The following CLCN3 variants were observed in gnomAD, a reference collection of about 807,000 sequenced individuals.
CLCN3 encodes Cl-/H+ antiporter 3.
CLCN3 carries 16 observed loss-of-function variants against 83.4 expected under a neutral mutation model. The ratio of observed to expected loss-of-function variants is 0.19; its 90% CI spans 0.13 to 0.29. CLCN3 has a LOEUF of 0.29. Among genes scored for constraint, CLCN3 ranks in the 10% least tolerant of loss-of-function variants. The probability of loss-of-function intolerance (pLI) is 1.00; values close to 1 mark genes in which losing one functional copy is unlikely to be tolerated. For synonymous variants in CLCN3, 322 were observed against 346.2 expected (o/e 0.93, Z 0.78); for missense variants, 544 against 1,006.0 (o/e 0.54, Z 6.21).
intron 2 of CLCN3, among the ~76,000 whole-genome samples, chr4:169,642,542 T>C (rs1388940030): frequency 3.3e-5 from 5 of 152,186 alleles, no homozygotes; most frequent in South Asian, 2.1e-4. Flanking sequence ...CCAGGCTCTC[T>C]TGCCAGACAG....
chr4:169,718,315 C>T (rs1733503913), intron 12 of CLCN3, among the ~76,000 whole-genome samples: 1 of 151,198 alleles, frequency 6.6e-6, no homozygotes, highest in Non-Finnish European at 1.5e-5. Context: ...ATCTAAGCTC[C>T]TAAAGGATTT....
intron 12 of CLCN3, among the ~76,000 whole-genome samples, chr4:169,718,792 C>T (rs1018823049): frequency 2.0e-5 from 3 of 152,112 alleles, no homozygotes; most frequent in African/African-American, 7.2e-5. Context: ...TTCATGCATC[C>T]TTTTTTAAAA....
chr4:169,691,531 T>G (rs1292427616), intron 6 of CLCN3, among the ~76,000 whole-genome samples: 1 of 152,206 alleles, frequency 6.6e-6, no homozygotes, highest in Non-Finnish European at 1.5e-5. Context: ...TCTTTTATTT[T>G]TCTGTAGTTA....
rs377158305 is a variant in CLCN3 at position 169,713,284 on chromosome 4, A to T, written c.2355A>T (p.Val785=). 7 of 1,611,514 alleles carry T rather than the reference A, an allele frequency of 4.3e-6. No homozygotes were observed. Among genetic ancestry groups the T allele is most frequent in the Non-Finnish European group, 5.1e-6 (6 of 1,177,776 alleles). The change falls in exon 12 of 13, where the codon GTA becomes GTT. Residue 785 remains valine (V), a synonymous_variant. Transcript: ENST00000513761. ...AGCTGGGACTGAGGCAGTGCCTTGT[A>T]ACTCACAATGGGTAAGTCTGGTACC... ...FRKLGLRQCL[V]THNGRLLGII...
chr4:169,656,831 A>C (rs1018510080), intron 2 of CLCN3, among the ~76,000 whole-genome samples: 1 of 152,142 alleles, frequency 6.6e-6, no homozygotes, highest in Non-Finnish European at 1.5e-5. Context: ...ATTCCCTGCT[A>C]TTGGGGAGGC....
intron 2 of CLCN3, among the ~76,000 whole-genome samples, chr4:169,662,504 G>GA (rs1560842100): frequency 6.6e-6 from 1 of 152,076 alleles, no homozygotes; most frequent in African/African-American, 2.4e-5. Flanking sequence ...CTAACAAATC[G>GA]AAAAAACTGA....
Position 169,722,578 on chromosome 4 carries a change from A to C in CLCN3, c.*2581A>C, listed in dbSNP as rs1206241837. The C allele has an allele frequency of 1.3e-5, 2 of 152,232 alleles. No individual in the cohort carries two copies. Among genetic ancestry groups the C allele is most frequent in the African/African-American group, 2.4e-5 (1 of 41,460 alleles). The allele number at this position is 152,232 out of a possible 1,614,324, so 9.4% of individuals were successfully genotyped here. A position where few individuals can be genotyped will look rare whatever the true frequency, so the allele number is the denominator to read the frequency against. On this transcript the variant is annotated 3_prime_UTR_variant, in exon 13 of 13. Transcript: ENST00000513761. ...AGGACAAATCGGTTTCTTTGCAGAT[A>C]GCTTCGTAAAACTTCACATGGAGTT...
intron 2 of CLCN3, chr4:169,660,528 C>T (rs1366737216): frequency 2.0e-6 from 2 of 992,292 alleles, no homozygotes; most frequent in Non-Finnish European, 2.6e-6. Flanking sequence ...TAAACTGGTT[C>T]TCGTTTGTCC....
intron 2 of CLCN3, among the ~76,000 whole-genome samples, chr4:169,656,268 G>A (rs552496492): frequency 3.2e-4 from 48 of 152,284 alleles, no homozygotes; most frequent in African/African-American, 1.1e-3. Flanking sequence ...CACGCTGTAC[G>A]CGAAGCATAG....
In CLCN3 at chr4:169,697,196, A is replaced by C. The variant is rs950652760; in HGVS notation, c.1025A>C (p.Tyr342Ser). ...GVLFSLEEVSYYFPLKTLWRS... is the reference protein window; with the variant it reads ...GVLFSLEEVSSYFPLKTLWRS... ...TCCTTTTCTTTTTTTTAGGTTAGCT[A>C]TTATTTTCCTCTCAAAACTTTATGG... is the stretch of plus-strand genomic sequence containing the variant. The change falls in exon 9 of 13, where the codon TAT becomes TCT. Residue 342 changes from tyrosine (Y) to serine (S), a missense_variant. Physicochemically the swap from Tyr to Ser is moderately radical, Grantham distance 144. This residue lies in a region of CLCN3 where 194 missense variants were observed against 341.4 expected (regional missense o/e 0.57). Coordinates refer to ENST00000513761, the MANE Select transcript of CLCN3 (RefSeq NM_001829.4). 6.4e-7 allele frequency: 1 copy of C among 1,567,396 alleles called. No homozygotes were observed. The highest frequency in any genetic ancestry group is 8.6e-7 in the Non-Finnish European group (1 of 1,163,522).
At position 169,670,777 on chromosome 4, in the gene CLCN3, G is replaced by A. The variant is rs191114891; in HGVS notation, c.161-9273G>A. Among the ~76,000 whole-genome samples, 7 of 152,086 alleles carry A rather than the reference G, an allele frequency of 4.6e-5. No individual in the cohort carries two copies. The South Asian group carries it at 6.2e-4, about 14-fold the overall frequency. On this transcript the variant is annotated intron_variant, in intron 2 of 12. Transcript: ENST00000513761. ...GAATGTTTTTCCATTTGTTTGTGTC[G>A]TTTCTTATTTCCTTGGGCAGTGGTT...
intron 1 of CLCN3, among the ~76,000 whole-genome samples, chr4:169,635,362 CT>C (rs1261496762): frequency 1.3e-5 from 2 of 152,050 alleles, no homozygotes; most frequent in Non-Finnish European, 2.9e-5. Context: ...AAAACATACC[CT>C]TTTTTGATTT....
At chr4:169,717,758 C>T (rs373036569) in intron 12 of CLCN3, 4 of 1,360,110 alleles carry the variant, frequency 2.9e-6, no homozygotes, top group Non-Finnish European at 4.2e-6. Context: ...AATTTAATTT[C>T]TCACACAGTT....
In CLCN3 at chr4:169,697,589, A is replaced by C; in HGVS notation, c.1418A>C (p.Asp473Ala). The C allele has an allele frequency of 6.2e-7, 1 of 1,614,198 alleles. No individual in the cohort carries two copies. The highest frequency in any genetic ancestry group is 1.1e-5 in the South Asian group (1 of 91,088). The change falls in exon 9 of 13, where the codon GAC (aspartate) becomes GCC (alanine). Residue 473 changes from aspartate (D) to alanine (A), a missense_variant. Physicochemically the swap from Asp to Ala is moderately radical, Grantham distance 126. Transcript: ENST00000513761. ...CGPLESSSLC[D>A]YRNDMNASKI... is the part of the protein sequence containing the mutation. ...CCCCTGGAATCCTCTTCTCTTTGTG[A>C]CTACAGAAATGACATGAATGCCAGT...
At chr4:169,709,055 C>A (rs978388228) in intron 11 of CLCN3, among the ~76,000 whole-genome samples, 2 of 146,904 alleles carry the variant, frequency 1.4e-5, no homozygotes, top group African/African-American at 5.0e-5. Flanking sequence ...AAATTATGTA[C>A]GTAAATGTTA....
intron 3 of CLCN3, among the ~76,000 whole-genome samples, chr4:169,684,098 T>G (rs1245024700): frequency 6.6e-6 from 1 of 152,240 alleles, no homozygotes; most frequent in African/African-American, 2.4e-5. Context: ...CTAATTCTTT[T>G]TTTCCGTGAA....
intron 11 of CLCN3, among the ~76,000 whole-genome samples, chr4:169,711,893 C>T (rs1436120767): frequency 6.6e-6 from 1 of 151,880 alleles, no homozygotes; most frequent in Admixed American, 6.6e-5. Context: ...GCGACAGAGT[C>T]TTGCTTTGTC....
intron 2 of CLCN3, among the ~76,000 whole-genome samples, chr4:169,643,762 C>G (rs1581199779): frequency 6.6e-6 from 1 of 152,270 alleles, no homozygotes; most frequent in East Asian, 1.9e-4. Flanking sequence ...TGTCGAACTC[C>G]TGGGCTCAAG....
intron 12 of CLCN3, among the ~76,000 whole-genome samples, chr4:169,715,428 G>T (rs1347850281): frequency 6.6e-6 from 1 of 152,114 alleles, no homozygotes; most frequent in African/African-American, 2.4e-5. Flanking sequence ...GGGGAGAAAA[G>T]AGATCATTTA....
Sources: gnomAD v4.1 joint callset for allele counts (sites outside exome capture counted in the v4.1 genomes callset) on GRCh38, gnomAD v4.1.1 for gene constraint, gnomAD v4.1.1 regional missense constraint, MANE v1.5 for transcripts, NCBI Gene and HGNC (gene_info 2026-07-23, HGNC 2026-07-21) for gene names.